The following PLB1 variants were observed in gnomAD, a reference collection of about 807,000 sequenced individuals.
PLB1 encodes the protein phospholipase B1, also known as phospholipase B1, membrane-associated.
Under a neutral mutation model 227.4 loss-of-function variants are expected in PLB1, and 242 were observed. That is an observed-to-expected ratio of 1.06 (90% CI 0.96 to 1.18). The LOEUF is 1.18. Ranked by LOEUF, PLB1 falls within the 50% of genes most tolerant of loss-of-function variation. The probability of loss-of-function intolerance (pLI) is 0.00; values close to 1 mark genes in which losing one functional copy is unlikely to be tolerated. For missense variants in PLB1, 1,858 were observed against 1,816.3 expected, an observed-to-expected ratio of 1.02 and a Z score of -0.42; for synonymous variants, 757 against 682.2, an observed-to-expected ratio of 1.11 and a Z score of -1.71.
chr2:28,570,829 G>A (rs1677890818), intron 20 of PLB1, among the ~76,000 whole-genome samples: 1 of 152,064 alleles, frequency 6.6e-6, no homozygotes, highest in Non-Finnish European at 1.5e-5. Flanking sequence ...GGGATAGAAG[G>A]AAAATTCCTC....
chr2:28,576,019 G>C (rs1006563732), intron 21 of PLB1, among the ~76,000 whole-genome samples: 1 of 152,190 alleles, frequency 6.6e-6, no homozygotes, highest in African/African-American at 2.4e-5. Context: ...GATTAGGTCA[G>C]GGAGGCATCC....
chr2:28,582,470 G>A lies in PLB1; in HGVS notation c.1698G>A (p.Gln566=). The A allele has an allele frequency of 3.1e-6, 5 of 1,612,244 alleles. No homozygotes were observed. The highest frequency in any genetic ancestry group is 1.1e-5 in the South Asian group (1 of 90,532). Residue 566 remains glutamine (Q), a synonymous_variant, in exon 25 of 58, where the codon CAG becomes CAA. Transcript: ENST00000327757. ...LEIVNLRELY[Q]EKKVYCPRMI... ...TCGTCAACCTGAGGGAGCTGTACCA[G>A]GAGAAAAAAGTCTACTGCCCAAGGA...
chr2:28,543,303 G>T (rs767306476), intron 14 of PLB1, 35 bp downstream of exon 14: 5 of 1,596,934 alleles, frequency 3.1e-6, no homozygotes, highest in Non-Finnish European at 3.4e-6. Context: ...GGCCCACAGA[G>T]GAGGGGCAAG....
At chr2:28,529,927 C>G in intron 8 of PLB1, 148 bp downstream of exon 8, 1 of 633,070 alleles carries the variant, frequency 1.6e-6, no homozygotes, top group East Asian at 2.8e-5. Context: ...CTCTGCCATT[C>G]TCTGGCGGTC....
intron 20 of PLB1, among the ~76,000 whole-genome samples, chr2:28,567,245 C>A (rs539205506): frequency 6.6e-6 from 1 of 152,168 alleles, no homozygotes; most frequent in Non-Finnish European, 1.5e-5. Flanking sequence ...GCGGCGCCTG[C>A]CTTTCCCAGC....
At chr2:28,581,519 AAATAAATAAAT>A (rs1354612808) in intron 23 of PLB1, among the ~76,000 whole-genome samples, 4 of 145,230 alleles carry the variant, frequency 2.8e-5, no homozygotes, top group Non-Finnish European at 4.5e-5. Context: ...ATAAATAAAT[AAATAAATAAAT>A]AAATAAAATT....
At chr2:28,571,074 A>G (rs777190162) in intron 20 of PLB1, among the ~76,000 whole-genome samples, 7 of 152,248 alleles carry the variant, frequency 4.6e-5, no homozygotes, top group Non-Finnish European at 8.8e-5. Context: ...ATGATATTAT[A>G]TAGAGACAAT....
At chr2:28,499,952 A>G (rs1159468922) in intron 1 of PLB1, among the ~76,000 whole-genome samples, 2 of 152,134 alleles carry the variant, frequency 1.3e-5, no homozygotes, top group African/African-American at 2.4e-5. Context: ...TTTTTTGTAG[A>G]TAAGCTCTAT....
intron 16 of PLB1, among the ~76,000 whole-genome samples, chr2:28,551,928 G>C (rs1674327522): frequency 6.6e-6 from 1 of 152,180 alleles, no homozygotes; most frequent in African/African-American, 2.4e-5. Flanking sequence ...AGCTCAGTGA[G>C]GCAGGAACTC....
intron 53 of PLB1, 58 bp from the exon 54 acceptor site, chr2:28,630,528 A>G (rs1042076763): frequency 1.3e-6 from 2 of 1,490,700 alleles, no homozygotes; most frequent in African/African-American, 1.4e-5. Flanking sequence ...CCAGCCTCCC[A>G]GGAGGACAGA....
chr2:28,557,924 A>C (rs528286306), intron 17 of PLB1, among the ~76,000 whole-genome samples: 1 of 152,240 alleles, frequency 6.6e-6, no homozygotes, highest in Admixed American at 6.5e-5. Context: ...CTTAACAATA[A>C]GATCACAGAT....
intron 35 of PLB1, 92 bp from the exon 36 acceptor site, chr2:28,600,717 T>C: frequency 8.3e-7 from 1 of 1,204,870 alleles, no homozygotes; most frequent in Non-Finnish European, 1.2e-6. Flanking sequence ...GCAGTGGGGA[T>C]GATACTGTAG....
chr2:28,611,613 C>T (rs1204333317), intron 43 of PLB1, among the ~76,000 whole-genome samples: 1 of 152,200 alleles, frequency 6.6e-6, no homozygotes, highest in Non-Finnish European at 1.5e-5. Flanking sequence ...CTCATCCTGG[C>T]ACCTAGAAAT....
rs1174829949 is a variant in PLB1 at position 28,589,739 on chromosome 2, C to T, written c.1985C>T (p.Ser662Phe). ...TTCCACTTCAGCAGCAAGTCTCACT[C>T]CCGAGCAGCCAGTGCTCTCTGGAAC... ...DCFHFSSKSH[S>F]RAASALWNNM... The change falls in exon 28 of 58, where the codon TCC becomes TTC. Residue 662 changes from serine (S) to phenylalanine (F), a missense_variant. By Grantham distance (155) the Ser-to-Phe change is radical (BLOSUM62 -2). Coordinates refer to ENST00000327757, the MANE Select transcript of PLB1 (RefSeq NM_153021.5). 1.9e-6 allele frequency: 3 copies of T among 1,613,876 alleles called. No homozygotes were observed. Among genetic ancestry groups the T allele is most frequent in the Non-Finnish European group, 2.5e-6 (3 of 1,179,998 alleles).
At chr2:28,605,467 C>T (rs766194348) in intron 41 of PLB1, among the ~76,000 whole-genome samples, 7 of 152,134 alleles carry the variant, frequency 4.6e-5, no homozygotes, top group Non-Finnish European at 1.0e-4. Context: ...CCAAGACTAC[C>T]AGGACCAGCA....
chr2:28,590,882 C>A (rs761871531), intron 29 of PLB1, among the ~76,000 whole-genome samples: 1 of 152,138 alleles, frequency 6.6e-6, no homozygotes, highest in Non-Finnish European at 1.5e-5. Flanking sequence ...CTTCAGCCAG[C>A]CACGCGGGAG....
intron 26 of PLB1, among the ~76,000 whole-genome samples, chr2:28,587,648 A>G (rs1681132895): frequency 6.6e-6 from 1 of 150,914 alleles, no homozygotes; most frequent in African/African-American, 2.4e-5. Flanking sequence ...GACCTGGTCC[A>G]GGGAAGACAT....
chr2:28,619,517 A>AG (rs368338061), intron 46 of PLB1, among the ~76,000 whole-genome samples: 3,902 of 120,826 alleles, frequency 0.032, 60 homozygotes, highest in Non-Finnish European at 0.045. Flanking sequence ...GTAAATTTCA[A>AG]GGTTTTGTTT....
intron 19 of PLB1, 155 bp from the exon 20 acceptor site, chr2:28,566,641 C>CT (rs1365130808): frequency 2.1e-5 from 16 of 763,942 alleles, no homozygotes; most frequent in Non-Finnish European, 3.1e-5. Context: ...TTCTGGTTTG[C>CT]TTTTTCCGTT....
Sources: gnomAD v4.1 joint callset for allele counts (sites outside exome capture counted in the v4.1 genomes callset) on GRCh38, gnomAD v4.1.1 for gene constraint, MANE v1.5 for transcripts, NCBI Gene and HGNC (gene_info 2026-07-23, HGNC 2026-07-21) for gene names.